The following PSMD12 variants were observed in gnomAD, a reference collection of about 807,000 sequenced individuals.
The protein encoded by PSMD12 is 26S proteasome non-ATPase regulatory subunit 12.
A neutral mutation model predicts 62.9 loss-of-function variants in PSMD12; 8 were observed. That is an observed-to-expected ratio of 0.13 (90% CI 0.07 to 0.23). The LOEUF (loss-of-function observed/expected upper bound fraction) is 0.23. Among genes scored for constraint, PSMD12 ranks in the 10% least tolerant of loss-of-function variants. The probability of loss-of-function intolerance (pLI) is 1.00; values close to 1 mark genes in which losing one functional copy is unlikely to be tolerated. For missense variants in PSMD12, 424 were observed against 550.2 expected (o/e 0.77, Z 2.29); for synonymous variants, 173 against 187.4 (o/e 0.92, Z 0.63).
At chr17:67,344,239 CT>C (rs1344776242) in intron 9 of PSMD12, among the ~76,000 whole-genome samples, 1 of 152,124 alleles carries the variant, frequency 6.6e-6, no homozygotes, top group Non-Finnish European at 1.5e-5. Flanking sequence ...GAAATTCTGT[CT>C]GGTTTATATA....
At chr17:67,358,055 G>A (rs571722630) in intron 1 of PSMD12, among the ~76,000 whole-genome samples, 1 of 152,154 alleles carries the variant, frequency 6.6e-6, no homozygotes, top group Admixed American at 6.5e-5. Flanking sequence ...CGGAGCAGGT[G>A]GGACTACAGG....
chr17:67,352,184 C>T (rs184590604), intron 3 of PSMD12, among the ~76,000 whole-genome samples: 11 of 152,148 alleles, frequency 7.2e-5, no homozygotes, highest in Admixed American at 7.2e-4. Context: ...CCTCAAATTC[C>T]TGGGCTCATG....
chr17:67,350,486 A>C (rs2143703781), intron 3 of PSMD12, 150 bp from the exon 4 acceptor site: 172 of 501,206 alleles, frequency 3.4e-4, no homozygotes, highest in Middle Eastern at 1.1e-3. Context: ...TCGAAATCTC[A>C]CTGATACCTA....
At position 67,344,668 on chromosome 17, in the gene PSMD12, A is replaced by G. The variant is rs1327827091; in HGVS notation, c.1021T>C (p.Phe341Leu). 5 of 1,613,446 alleles carry G rather than the reference A, an allele frequency of 3.1e-6. No homozygotes were observed. The highest frequency in any genetic ancestry group is 4.2e-6 in the Non-Finnish European group (5 of 1,179,680). Reference sequence around the variant, plus strand: ...TTTTCACCTTCCTCTGTAGAACCAAAAACATCCGTTGCAGGACTCTCAAGG... The same window carrying G: ...TTTTCACCTTCCTCTGTAGAACCAAGAACATCCGTTGCAGGACTCTCAAGG... ...GSLESPATDV[F>L]GSTEEGEKRW... is the part of the protein sequence containing the mutation. Residue 341 changes from phenylalanine (F) to leucine (L), a missense_variant, in exon 9 of 11, where the codon TTT becomes CTT. Physicochemically the swap from Phe to Leu is conservative, Grantham distance 22 (BLOSUM62 0). Coordinates refer to ENST00000356126, the MANE Select transcript of PSMD12 (RefSeq NM_002816.5).
At chr17:67,345,720 T>C (rs764895717) in intron 8 of PSMD12, 25 bp downstream of exon 8, 10 of 1,556,836 alleles carry the variant, frequency 6.4e-6, no homozygotes, top group Non-Finnish European at 8.0e-6. Flanking sequence ...CTGAGATATA[T>C]CATGCTAATT....
chr17:67,358,567 C>CAAAAAAAAAAAAAAAAAAAAAAAAAAAAA (rs398039153), intron 1 of PSMD12, among the ~76,000 whole-genome samples: 59 of 74,028 alleles, frequency 8.0e-4, no homozygotes, highest in East Asian at 9.7e-4. Context: ...GAACCTGTCT[C>CAAAAAAAAAAAAAAAAAAAAAAAAAAAAA]AAAAAAAAAA....
chr17:67,345,593 G>A (rs773069012), intron 8 of PSMD12, 152 bp downstream of exon 8: 68 of 637,462 alleles, frequency 1.1e-4, no homozygotes, highest in Non-Finnish European at 1.0e-4. Context: ...AGTGAGCTGA[G>A]ATTACACCAT....
Position 67,355,605 on chromosome 17 carries a change from T to C in PSMD12, c.297+1698A>G, listed in dbSNP as rs905399606. 9.2e-5 allele frequency among the ~76,000 whole-genome samples: 14 copies of C among 152,306 alleles called. No homozygotes were observed. The East Asian group carries it at 1.9e-3, about 21-fold the overall frequency. The stretch of plus-strand genomic sequence containing the variant: ...CTCTTTTACAATGCCATTGTCTTTA[T>C]TATTTAAAGCAAGAAATTAAAACCC... On this transcript the variant is annotated intron_variant, in intron 3 of 10. Coordinates refer to ENST00000356126, the MANE Select transcript of PSMD12 (RefSeq NM_002816.5).
chr17:67,353,773 G>A (rs1279772626), intron 3 of PSMD12, among the ~76,000 whole-genome samples: 1 of 152,084 alleles, frequency 6.6e-6, no homozygotes, highest in Admixed American at 6.5e-5. Flanking sequence ...ACAGGGAAAG[G>A]AGCATGCCTG....
At position 67,342,378 on chromosome 17, in the gene PSMD12, T is replaced by C. The variant is rs1189588042; in HGVS notation, c.1084-115A>G. ...TAAAATGTTAGACTCAGAGCTTTTA[T>C]TTTTCTACAGTCCATCACTGGAGCA... On this transcript the variant is annotated intron_variant, in intron 9 of 10. Transcript: ENST00000356126. 8 of 692,492 alleles carry C rather than the reference T, an allele frequency of 1.2e-5. No homozygotes were observed. In the South Asian group the frequency reaches 1.3e-4, roughly 12 times the overall value. 42.9% of individuals were successfully genotyped at this position (692,492 alleles called of 1,614,324 possible).
chr17:67,352,447 A>G lies in PSMD12; in HGVS notation c.298-2111T>C, dbSNP rs12325820. Among the ~76,000 whole-genome samples the G allele has an allele frequency of 7.7e-3, 1,175 of 152,314 alleles. 14 individuals carry two copies. The highest frequency in any genetic ancestry group is 0.027 in the African/African-American group (1,110 of 41,570). On this transcript the variant is annotated intron_variant, in intron 3 of 10. Coordinates refer to ENST00000356126, the MANE Select transcript of PSMD12 (RefSeq NM_002816.5). ...TTTATTGTAAACTATAACTCTTTCA[A>G]TAAGTTCAAGGCCCTAGGACATGTA...
At chr17:67,350,196 T>C (rs2042004509) in intron 4 of PSMD12, 33 bp downstream of exon 4, 1 of 1,423,166 alleles carries the variant, frequency 7.0e-7, no homozygotes, top group Non-Finnish European at 9.8e-7. Flanking sequence ...AAACAGTTCA[T>C]ATCATTTTGA....
At chr17:67,352,402 G>A (rs1022228482) in intron 3 of PSMD12, among the ~76,000 whole-genome samples, 1 of 152,098 alleles carries the variant, frequency 6.6e-6, no homozygotes. Flanking sequence ...AGAGACCCAG[G>A]CATTCTGGAA....
intron 3 of PSMD12, chr17:67,355,408 T>A (rs755354075): frequency 6.6e-6 from 1 of 152,200 alleles, no homozygotes; most frequent in African/African-American, 2.4e-5. Flanking sequence ...GTCTTTTATA[T>A]GCATGTAAAC....
At chr17:67,358,805 A>G (rs956175743) in intron 1 of PSMD12, among the ~76,000 whole-genome samples, 2 of 152,128 alleles carry the variant, frequency 1.3e-5, no homozygotes, top group Non-Finnish European at 2.9e-5. Context: ...ACACCCACAC[A>G]TGCTATCCTT....
intron 3 of PSMD12, among the ~76,000 whole-genome samples, chr17:67,355,055 A>G (rs2042054600): frequency 6.7e-6 from 1 of 148,884 alleles, no homozygotes; most frequent in South Asian, 2.1e-4. Flanking sequence ...AATTAAATCT[A>G]TACTAATTCT....
rs573405222 is a variant in PSMD12 at position 67,363,406 on chromosome 17, A to C, written c.108+3006T>G. Among the ~76,000 whole-genome samples the C allele has an allele frequency of 4.6e-5, 7 of 152,286 alleles. No individual in the cohort carries two copies. In the South Asian group the frequency reaches 1.5e-3, roughly 32 times the overall value. On this transcript the variant is annotated intron_variant, in intron 1 of 10. Transcript: ENST00000356126. ...GTGATCTTTCCACCTGGGCCTCCCA[A>C]AGTGCTATATACACAATTTTCATCT...
intron 3 of PSMD12, 43 bp from the exon 4 acceptor site, chr17:67,350,379 C>A (rs1205044964): frequency 2.1e-6 from 3 of 1,415,098 alleles, no homozygotes; most frequent in African/African-American, 1.4e-5. Flanking sequence ...ACATTCCTCA[C>A]AGAGCGAAAA....
At position 67,340,787 on chromosome 17, in the gene PSMD12, A is replaced by C; in HGVS notation, c.*56T>G. On this transcript the variant is annotated 3_prime_UTR_variant, in exon 11 of 11. Coordinates refer to ENST00000356126, the MANE Select transcript of PSMD12 (RefSeq NM_002816.5). ...AAAACCCCAACATATACACCATTAT[A>C]ACAGTCTTTTTTTAATGACTTCCAA... is the stretch of plus-strand genomic sequence containing the variant. 7.2e-7 allele frequency: 1 copy of C among 1,387,264 alleles called. No individual in the cohort carries two copies. Among genetic ancestry groups the C allele is most frequent in the Non-Finnish European group, 9.8e-7 (1 of 1,022,944 alleles). 85.9% of individuals were successfully genotyped at this position (1,387,264 alleles called of 1,614,324 possible).
Sources: allele counts gnomAD v4.1 joint callset (sites outside exome capture counted in the v4.1 genomes callset), GRCh38; gene constraint gnomAD v4.1.1; transcripts MANE v1.5; gene names NCBI Gene and HGNC (gene_info 2026-07-23, HGNC 2026-07-21).